PRIMPOL: variants seen among roughly 807,000 people sequenced by gnomAD.
PRIMPOL encodes primase and DNA directed polymerase, also known as DNA-directed primase/polymerase protein.
In PRIMPOL, 54 loss-of-function variants were observed where a neutral mutation model predicts 63.6. That is an observed-to-expected ratio of 0.85 (90% CI 0.68 to 1.07). PRIMPOL has a LOEUF of 1.07. Ranked by LOEUF, PRIMPOL falls within the 50% of genes least tolerant of loss-of-function variation. The pLI, the probability that PRIMPOL is intolerant of heterozygous loss-of-function variation, is 0.00. For missense variants in PRIMPOL, 610 were observed against 648.3 expected, an observed-to-expected ratio of 0.94 and a Z score of 0.64; for synonymous variants, 197 against 220.2, an observed-to-expected ratio of 0.89 and a Z score of 0.93.
intron 3 of PRIMPOL, 73 bp from the exon 4 acceptor site, chr4:184,659,267 C>A: frequency 1.1e-6 from 1 of 940,914 alleles, no homozygotes; most frequent in Non-Finnish European, 1.7e-6. Flanking sequence ...TCTTTATGAA[C>A]ATTCAGTAGC....
At chr4:184,659,217 A>C in intron 3 of PRIMPOL, 123 bp from the exon 4 acceptor site, 1 of 697,910 alleles carries the variant, frequency 1.4e-6, no homozygotes, top group Non-Finnish European at 2.5e-6. Context: ...TAATAATACA[A>C]ATGTTCAAAT....
At chr4:184,676,176 G>A (rs1307852277) in intron 7 of PRIMPOL, among the ~76,000 whole-genome samples, 1 of 151,808 alleles carries the variant, frequency 6.6e-6, no homozygotes, top group African/African-American at 2.4e-5. Context: ...GTGCAGTGGT[G>A]CAATCCTGCC....
chr4:184,672,274 T>C lies in PRIMPOL; in HGVS notation c.658T>C (p.Ser220Pro), dbSNP rs1490630394. 5 of 1,614,098 alleles carry C rather than the reference T, an allele frequency of 3.1e-6. No individual in the cohort carries two copies. Among genetic ancestry groups the C allele is most frequent in the Non-Finnish European group, 3.4e-6 (4 of 1,180,024 alleles). ...ETTGHGFPHF[S>P]EAPARQGFSF... Reference sequence around the variant, plus strand: ...AACAGGCCATGGATTTCCCCATTTTTCAGAAGCACCTGCAAGACAAGGATT... The same window carrying C: ...AACAGGCCATGGATTTCCCCATTTTCCAGAAGCACCTGCAAGACAAGGATT... The change falls in exon 7 of 14, where the codon TCA becomes CCA. Residue 220 changes from serine (S) to proline (P), a missense_variant. By Grantham distance (74) the Ser-to-Pro change is moderately conservative (BLOSUM62 -1). Around this residue, in one of 3 missense-constraint regions of PRIMPOL, gnomAD observed 444 missense variants for 456.4 expected, o/e 0.97. Coordinates refer to ENST00000314970, the MANE Select transcript of PRIMPOL (RefSeq NM_152683.4).
chr4:184,654,555 AT>A (rs1174324488), intron 2 of PRIMPOL, among the ~76,000 whole-genome samples: 1 of 143,920 alleles, frequency 6.9e-6, no homozygotes, highest in African/African-American at 2.6e-5. Context: ...GGTTCACGCC[AT>A]TCTCCTGCCT....
chr4:184,659,160 A>G (rs1747537962), intron 3 of PRIMPOL, among the ~76,000 whole-genome samples, 180 bp from the exon 4 acceptor site: 1 of 152,178 alleles, frequency 6.6e-6, no homozygotes, highest in Non-Finnish European at 1.5e-5. Flanking sequence ...AAATAGGTAT[A>G]ATTAGATTTT....
At chr4:184,674,789 G>A (rs748686765) in intron 7 of PRIMPOL, among the ~76,000 whole-genome samples, 1 of 152,148 alleles carries the variant, frequency 6.6e-6, no homozygotes, top group Non-Finnish European at 1.5e-5. Flanking sequence ...TTACAGTACT[G>A]TACTGTATTT....
chr4:184,684,387 C>T lies in PRIMPOL; in HGVS notation c.1097-1022C>T, dbSNP rs2150145932. On this transcript the variant is annotated intron_variant, in intron 9 of 13. Coordinates refer to ENST00000314970, the MANE Select transcript of PRIMPOL (RefSeq NM_152683.4). The stretch of plus-strand genomic sequence containing the variant: ...AGGAGAATCGCTTGAACCCAGAAGG[C>T]CGAGCTTGCAGTGAGCCGAGATCGC... 2.0e-5 allele frequency among the ~76,000 whole-genome samples: 3 copies of T among 151,952 alleles called. No homozygotes were observed. In the South Asian group the frequency reaches 6.2e-4, roughly 32 times the overall value.
chr4:184,664,274 A>T (rs745759461), intron 5 of PRIMPOL, among the ~76,000 whole-genome samples: 2 of 152,254 alleles, frequency 1.3e-5, no homozygotes, highest in Admixed American at 1.3e-4. Flanking sequence ...TTTAGTCCCT[A>T]CTAAGTGTCA....
At chr4:184,671,226 G>A (rs1751513681) in intron 6 of PRIMPOL, among the ~76,000 whole-genome samples, 1 of 152,144 alleles carries the variant, frequency 6.6e-6, no homozygotes, top group Non-Finnish European at 1.5e-5. Context: ...CTCCGAGGCC[G>A]TAGTCCATCG....
intron 11 of PRIMPOL, among the ~76,000 whole-genome samples, chr4:184,690,263 T>G (rs568077595): frequency 2.6e-5 from 4 of 152,344 alleles, no homozygotes; most frequent in South Asian, 2.1e-4. Flanking sequence ...TTACAAAAAC[T>G]TTCAAAGTTA....
At chr4:184,652,273 T>C (rs1383670891) in intron 2 of PRIMPOL, among the ~76,000 whole-genome samples, 173 bp downstream of exon 2, 1 of 152,182 alleles carries the variant, frequency 6.6e-6, no homozygotes, top group Non-Finnish European at 1.5e-5. Flanking sequence ...TTAGTTTACC[T>C]GTGTGAGTTG....
chr4:184,671,459 T>A (rs192201526), intron 6 of PRIMPOL, among the ~76,000 whole-genome samples: 10 of 146,768 alleles, frequency 6.8e-5, no homozygotes, highest in Admixed American at 2.0e-4. Flanking sequence ...TATTATTATT[T>A]TTATGATCTC....
intron 4 of PRIMPOL, among the ~76,000 whole-genome samples, chr4:184,659,698 A>G (rs745522508): frequency 1.3e-5 from 2 of 152,246 alleles, no homozygotes; most frequent in Non-Finnish European, 2.9e-5. Flanking sequence ...TTTTGCAAAC[A>G]GGTATTAAAT....
At chr4:184,666,163 C>A in intron 6 of PRIMPOL, 99 bp downstream of exon 6, 2 of 904,774 alleles carry the variant, frequency 2.2e-6, no homozygotes, top group South Asian at 2.0e-5. Context: ...GTTTTATGGT[C>A]ATTAACTTAT....
intron 2 of PRIMPOL, among the ~76,000 whole-genome samples, chr4:184,655,072 T>A (rs1745939720): frequency 6.6e-6 from 1 of 151,954 alleles, no homozygotes; most frequent in Non-Finnish European, 1.5e-5. Flanking sequence ...TGCAGTGTCA[T>A]AATTTCAGCT....
chr4:184,657,541 G>C (rs1746810619), intron 3 of PRIMPOL: 1 of 434,318 alleles, frequency 2.3e-6, no homozygotes. Flanking sequence ...TATTAGTAAT[G>C]AAAAAGAATG....
intron 4 of PRIMPOL, among the ~76,000 whole-genome samples, chr4:184,660,029 C>T (rs1025734590): frequency 6.6e-6 from 1 of 151,684 alleles, no homozygotes; most frequent in Non-Finnish European, 1.5e-5. Context: ...CCATGTTGAC[C>T]AGGCTGATCT....
intron 7 of PRIMPOL, among the ~76,000 whole-genome samples, chr4:184,677,921 C>T (rs967921755): frequency 2.0e-5 from 3 of 152,114 alleles, no homozygotes; most frequent in Admixed American, 6.6e-5. Flanking sequence ...AATTTAGCTC[C>T]GCACAGCTTC....
chr4:184,693,128 T>C (rs1561107903), intron 13 of PRIMPOL, among the ~76,000 whole-genome samples: 2 of 152,146 alleles, frequency 1.3e-5, no homozygotes, highest in African/African-American at 4.8e-5. Flanking sequence ...AACACGTCTC[T>C]CGAAAAAACT....
Sources: allele counts gnomAD v4.1 joint callset (sites outside exome capture counted in the v4.1 genomes callset), GRCh38; gene constraint gnomAD v4.1.1; regional missense constraint gnomAD v4.1.1; transcripts MANE v1.5; gene names NCBI Gene and HGNC (gene_info 2026-07-23, HGNC 2026-07-21).